The following NR2E3 variants were observed in gnomAD, a reference collection of about 807,000 sequenced individuals.
NR2E3 encodes the protein photoreceptor-specific nuclear receptor.
A neutral mutation model predicts 37.6 loss-of-function variants in NR2E3; 38 were observed. The ratio of observed to expected loss-of-function variants is 1.01; its 90% CI spans 0.78 to 1.33. The LOEUF (loss-of-function observed/expected upper bound fraction) is 1.33, where lower values mean the gene tolerates loss of function less well. Ranked by LOEUF, NR2E3 falls within the 40% of genes most tolerant of loss-of-function variation. The probability of loss-of-function intolerance (pLI) is 0.00; values close to 1 mark genes in which losing one functional copy is unlikely to be tolerated. For missense variants in NR2E3, 562 were observed against 558.7 expected, an observed-to-expected ratio of 1.01 and a Z score of -0.06; for synonymous variants, 235 against 225.1, an observed-to-expected ratio of 1.04 and a Z score of -0.39.
At chr15:71,816,482 G>A (rs1203191543) in intron 7 of NR2E3, among the ~76,000 whole-genome samples, 5 of 151,888 alleles carry the variant, frequency 3.3e-5, no homozygotes, top group African/African-American at 7.3e-5. Context: ...GGATGGTCTC[G>A]ATCTCCTGAC....
chr15:71,817,683 AGTG>A lies in NR2E3; in HGVS notation c.*1_*3del. The A allele has an allele frequency of 6.3e-7, 1 of 1,596,164 alleles. No homozygotes were observed. The highest frequency in any genetic ancestry group is 8.6e-7 in the Non-Finnish European group (1 of 1,165,292). On this transcript the variant is annotated stop_retained_variant and 3_prime_UTR_variant, in exon 8 of 8. Coordinates refer to ENST00000617575, the MANE Select transcript of NR2E3 (RefSeq NM_014249.4). ...CTCCTTTGTGATATGTTCAAAAACT[AGTG>A]GGGGTGGAGGTGAAATGTTTCCAAG...
rs769154628 is a variant in NR2E3 at position 71,813,479 on chromosome 15, C to A, written c.838C>A (p.Pro280Thr). 5 of 1,610,516 alleles carry A rather than the reference C, an allele frequency of 3.1e-6. No homozygotes were observed. In the East Asian group the frequency reaches 1.1e-4, roughly 36 times the overall value. The change falls in exon 6 of 8, where the codon CCG becomes ACG. Residue 280 changes from proline (P) to threonine (T), a missense_variant. Coordinates refer to ENST00000617575, the MANE Select transcript of NR2E3 (RefSeq NM_014249.4). This position sits in a 1 kb window ranked among gnomAD's most constrained non-coding sequence, Gnocchi z 4.7. Reference protein sequence around the residue: ...LPLDSCPLLAPPEASAAGGAQ... With the variant: ...LPLDSCPLLATPEASAAGGAQ... ...TCTGGACAGCTGTCCTCTGCTGGCA[C>A]CGCCCGAGGCCTCTGCTGCCGGTGG... is the stretch of plus-strand genomic sequence containing the variant.
At position 71,811,241 on chromosome 15, in the gene NR2E3, G is replaced by A. The variant is rs544557837; in HGVS notation, c.119-242G>A. Among the ~76,000 whole-genome samples, 3 of 151,972 alleles carry A rather than the reference G, an allele frequency of 2.0e-5. No individual in the cohort carries two copies. Among genetic ancestry groups the A allele is most frequent in the South Asian group, 2.1e-4 (1 of 4,786 alleles). On this transcript the variant is annotated intron_variant, in intron 1 of 7. Coordinates refer to ENST00000617575, the MANE Select transcript of NR2E3 (RefSeq NM_014249.4). This position sits in a 1 kb window ranked among gnomAD's most constrained non-coding sequence, Gnocchi z 5.6. ...AGCTGGGAAAGTGGAGCTAGGGCTCGGACTCTTGCTGAAAATTGGCCATTG... is the reference window on the plus strand; with the variant it reads ...AGCTGGGAAAGTGGAGCTAGGGCTCAGACTCTTGCTGAAAATTGGCCATTG...
rs768530931 is a variant in NR2E3, at chr15:71,817,593, T to G, written c.1142T>G (p.Ile381Ser). 3.1e-6 allele frequency: 5 copies of G among 1,604,148 alleles called. No individual in the cohort carries two copies. The Admixed American group carries it at 8.3e-5, about 27-fold the overall frequency. ...CTGCTCCTCCCGTCTTTGAGGTTTA[T>G]CACTGCGGAACGCATCGAGCTCCTC... Reference protein sequence around the residue: ...LLLLLPSLRFITAERIELLFF... With the variant: ...LLLLLPSLRFSTAERIELLFF... Residue 381 changes from isoleucine to serine, a missense_variant, in exon 8 of 8, where the codon ATC (isoleucine) becomes AGC (serine). By Grantham distance (142) the Ile-to-Ser change is moderately radical. Transcript: ENST00000617575.
At chr15:71,814,246 A>G (rs2054210512) in intron 7 of NR2E3, 129 bp downstream of exon 7, 1 of 1,456,258 alleles carries the variant, frequency 6.9e-7, no homozygotes, top group East Asian at 2.5e-5. Context: ...TACAGCCAAC[A>G]TCTATGGTGT....
chr15:71,816,216 C>A (rs1421460543), intron 7 of NR2E3, among the ~76,000 whole-genome samples: 1 of 152,014 alleles, frequency 6.6e-6, no homozygotes, highest in Non-Finnish European at 1.5e-5. Context: ...TGGGGCTTCA[C>A]CATCCGTCTT....
In NR2E3 at chr15:71,813,941, C is replaced by G. The variant is rs1370323651; in HGVS notation, c.995-71C>G. The G allele has an allele frequency of 1.9e-6, 3 of 1,557,552 alleles. No homozygotes were observed. The highest frequency in any genetic ancestry group is 2.7e-5 in the African/African-American group (2 of 73,402). On this transcript the variant is annotated intron_variant, in intron 6 of 7. Coordinates refer to ENST00000617575, the MANE Select transcript of NR2E3 (RefSeq NM_014249.4). This position sits in a 1 kb window ranked among gnomAD's most constrained non-coding sequence, Gnocchi z 4.7. ...CCATGTCTGCAGCCAGAACCCTGGG[C>G]CACCACTTCATGGCCAGCCTTATAA...
intron 7 of NR2E3, among the ~76,000 whole-genome samples, chr15:71,816,190 TC>T (rs994665842): frequency 6.6e-6 from 1 of 151,368 alleles, no homozygotes; most frequent in African/African-American, 2.4e-5. Flanking sequence ...AAGGTTTAGT[TC>T]CCCCATCTGT....
At chr15:71,817,516 G>A (rs1417629956) in intron 7 of NR2E3, 36 bp from the exon 8 acceptor site, 1 of 1,563,242 alleles carries the variant, frequency 6.4e-7, no homozygotes, top group East Asian at 2.3e-5. Context: ...CTCAGAAGCT[G>A]GTCGTAAAAC....
At chr15:71,814,157 C>T (rs368632939) in intron 7 of NR2E3, 40 bp downstream of exon 7, 11 of 1,586,136 alleles carry the variant, frequency 6.9e-6, no homozygotes, top group Admixed American at 3.5e-5. Context: ...CTGTCCCTGA[C>T]CTCTAACCTT....
At position 71,813,540 on chromosome 15, in the gene NR2E3, C is replaced by T. The variant is rs374016332; in HGVS notation, c.899C>T (p.Thr300Met). Residue 300 changes from threonine to methionine, a missense_variant, in exon 6 of 8, where the codon ACG becomes ATG. Physicochemically the swap from Thr to Met is moderately conservative, Grantham distance 81 (BLOSUM62 -1). Coordinates refer to ENST00000617575, the MANE Select transcript of NR2E3 (RefSeq NM_014249.4). The surrounding 1 kb of genome is among the most constrained non-coding windows in gnomAD (Gnocchi z 4.7). ...CGGCTCACGCTGGCCAGCATGGAGA[C>T]GCGTGTCCTGCAGGAAACTATCTCT... is the stretch of plus-strand genomic sequence containing the variant. ...QGRLTLASME[T>M]RVLQETISRF... is the part of the protein sequence containing the mutation. 20 of 1,613,678 alleles carry T rather than the reference C, an allele frequency of 1.2e-5. No individual in the cohort carries two copies. The highest frequency in any genetic ancestry group is 5.0e-5 in the Admixed American group (3 of 59,992).
chr15:71,812,978 A>C (rs2054197826), intron 5 of NR2E3, among the ~76,000 whole-genome samples: 1 of 152,150 alleles, frequency 6.6e-6, no homozygotes, highest in Non-Finnish European at 1.5e-5. Flanking sequence ...ATGGGCAAGC[A>C]GATCTTTCAG....
chr15:71,813,485 G>A lies in NR2E3; in HGVS notation c.844G>A (p.Glu282Lys), dbSNP rs370215891. Residue 282 changes from glutamate (E) to lysine (K), a missense_variant, in exon 6 of 8, where the codon GAG (glutamate) becomes AAG (lysine). Glu to Lys is a moderately conservative substitution (Grantham distance 56, BLOSUM62 1). Coordinates refer to ENST00000617575, the MANE Select transcript of NR2E3 (RefSeq NM_014249.4). This position sits in a 1 kb window ranked among gnomAD's most constrained non-coding sequence, Gnocchi z 4.7. ...CAGCTGTCCTCTGCTGGCACCGCCC[G>A]AGGCCTCTGCTGCCGGTGGTGCCCA... ...LDSCPLLAPP[E>K]ASAAGGAQGR... 147 of 1,611,320 alleles carry A rather than the reference G, an allele frequency of 9.1e-5. 1 individual carries two copies. The highest frequency in any genetic ancestry group is 1.3e-4 in the Admixed American group (8 of 59,578).
chr15:71,812,588 A>G, intron 5 of NR2E3, 77 bp downstream of exon 5: 6 of 1,295,584 alleles, frequency 4.6e-6, no homozygotes, highest in Non-Finnish European at 6.3e-6. Flanking sequence ...CAGACAGGGC[A>G]CACACATCCC....
chr15:71,813,618 T>C lies in NR2E3; in HGVS notation c.977T>C (p.Leu326Ser). 1 of 1,613,884 alleles carries C rather than the reference T, an allele frequency of 6.2e-7. No individual in the cohort carries two copies. The highest frequency in any genetic ancestry group is 8.5e-7 in the Non-Finnish European group (1 of 1,179,872). The change falls in exon 6 of 8, where the codon TTG becomes TCG. Residue 326 changes from leucine (L) to serine (S), a missense_variant. Transcript: ENST00000617575. This position sits in a 1 kb window ranked among gnomAD's most constrained non-coding sequence, Gnocchi z 4.7. ...DPTEFACMKA[L>S]VLFKPETRGL... ...ACGGAGTTTGCCTGCATGAAGGCCTTGGTCCTCTTCAAGCCAGGTAACTGA... is the reference window on the plus strand; with the variant it reads ...ACGGAGTTTGCCTGCATGAAGGCCTCGGTCCTCTTCAAGCCAGGTAACTGA...
In NR2E3 at chr15:71,811,545, A is replaced by T; in HGVS notation, c.181A>T (p.Ile61Phe). 6.3e-7 allele frequency: 1 copy of T among 1,594,800 alleles called. No homozygotes were observed. The highest frequency in any genetic ancestry group is 8.5e-7 in the Non-Finnish European group (1 of 1,171,086). The part of the protein sequence containing the change: ...GDSSSGKHYG[I>F]YACNGCSGFF... ...CAGCAGCAGCGGGAAGCACTATGGC[A>T]TCTATGCCTGCAACGGCTGCAGCGG... Residue 61 changes from isoleucine to phenylalanine, a missense_variant, in exon 2 of 8, where the codon ATC becomes TTC. Transcript: ENST00000617575. The surrounding 1 kb of genome is among the most constrained non-coding windows in gnomAD (Gnocchi z 5.6).
At position 71,812,033 on chromosome 15, in the gene NR2E3, C is replaced by T. The variant is rs776742417; in HGVS notation, c.428C>T (p.Pro143Leu). ...ATGGAGTCCAACACTGAGTCCCGGC[C>T]GGAGTCCCTGGTGGCTCCCCCGGCC... ...DSMESNTESR[P>L]ESLVAPPAPA... The change falls in exon 4 of 8, where the codon CCG (proline) becomes CTG (leucine). Residue 143 changes from proline (P) to leucine (L), a missense_variant. Pro to Leu is a moderately conservative substitution (Grantham distance 98, BLOSUM62 -3). Transcript: ENST00000617575. The T allele has an allele frequency of 5.0e-5, 78 of 1,554,386 alleles. No individual in the cohort carries two copies. In the Middle Eastern group the frequency reaches 1.0e-3, roughly 20 times the overall value.
At position 71,815,941 on chromosome 15, in the gene NR2E3, A is replaced by C. The variant is rs190357928; in HGVS notation, c.1101-1611A>C. The stretch of plus-strand genomic sequence containing the variant: ...TTTCTTCTTCCTCCCACTCTAATTT[A>C]GATCAGAAAAACAGAAGCAGGGAAG... On this transcript the variant is annotated intron_variant, in intron 7 of 7. Transcript: ENST00000617575. Among the ~76,000 whole-genome samples, 80 of 152,324 alleles carry C rather than the reference A, an allele frequency of 5.3e-4. 1 individual carries two copies. In the East Asian group the frequency reaches 0.012, roughly 22 times the overall value.
Position 71,813,924 on chromosome 15 carries a change from G to A in NR2E3, c.995-88G>A. 2 of 1,548,246 alleles carry A rather than the reference G, an allele frequency of 1.3e-6. No homozygotes were observed. The highest frequency in any genetic ancestry group is 8.7e-7 in the Non-Finnish European group (1 of 1,148,776). The stretch of plus-strand genomic sequence containing the variant: ...CCCACAGGGCCCCAGGTCCATGTCT[G>A]CAGCCAGAACCCTGGGCCACCACTT... On this transcript the variant is annotated intron_variant, in intron 6 of 7. Transcript: ENST00000617575. The surrounding 1 kb of genome is among the most constrained non-coding windows in gnomAD (Gnocchi z 4.7).
Sources: allele counts gnomAD v4.1 joint callset (sites outside exome capture counted in the v4.1 genomes callset), GRCh38; gene constraint gnomAD v4.1.1; non-coding constraint Gnocchi (gnomAD v3.1); transcripts MANE v1.5; gene names NCBI Gene and HGNC (gene_info 2026-07-23, HGNC 2026-07-21).